The following SLC35F6 variants were observed in gnomAD, a reference collection of about 807,000 sequenced individuals.
SLC35F6 encodes solute carrier family 35 member F6, also known as ANT2-binding protein.
Under a neutral mutation model 29.4 loss-of-function variants are expected in SLC35F6, and 26 were observed. That is an observed-to-expected ratio of 0.89 (90% CI 0.65 to 1.23). The LOEUF (loss-of-function observed/expected upper bound fraction) is 1.23. Ranked by LOEUF, SLC35F6 falls within the 50% of genes most tolerant of loss-of-function variation. The pLI, the probability that SLC35F6 is intolerant of heterozygous loss-of-function variation, is 0.00. For synonymous variants in SLC35F6, 174 were observed against 206.6 expected (o/e 0.84, Z 1.35); for missense variants, 428 against 487.8 (o/e 0.88, Z 1.15).
chr2:26,774,775 C>T (rs1334965435), intron 2 of SLC35F6, among the ~76,000 whole-genome samples: 1 of 152,142 alleles, frequency 6.6e-6, no homozygotes, highest in Non-Finnish European at 1.5e-5. Context: ...TAGGCTTCTC[C>T]ACCTGCGATT....
chr2:26,776,591 C>A, intron 5 of SLC35F6, 109 bp downstream of exon 5: 1 of 925,542 alleles, frequency 1.1e-6, no homozygotes, highest in South Asian at 1.6e-5. Context: ...CTTCCTGCCC[C>A]GCCTTGCCTT....
chr2:26,774,643 A>G (rs1199342108), intron 2 of SLC35F6, among the ~76,000 whole-genome samples: 1 of 152,270 alleles, frequency 6.6e-6, no homozygotes, highest in Non-Finnish European at 1.5e-5. Flanking sequence ...GGGACAGGGC[A>G]GACACCATAA....
chr2:26,767,440 A>G (rs1022117690), intron 1 of SLC35F6, among the ~76,000 whole-genome samples: 2 of 152,194 alleles, frequency 1.3e-5, no homozygotes, highest in African/African-American at 2.4e-5. Flanking sequence ...AAGGCAGTGG[A>G]TGAGGAAGCA....
chr2:26,774,223 G>A (rs1664256193), intron 1 of SLC35F6, 28 bp from the exon 2 acceptor site: 4 of 1,613,472 alleles, frequency 2.5e-6, no homozygotes, highest in Middle Eastern at 1.6e-4. Context: ...ATGCTGACAG[G>A]GTCTGACCTT....
rs1664274398 is a variant in SLC35F6 at position 26,775,121 on chromosome 2, A to G, written c.228A>G (p.Ser76=). Residue 76 remains serine, a synonymous_variant, in exon 3 of 6, where the codon TCA becomes TCG. Transcript: ENST00000344420. This position sits in a 1 kb window ranked among gnomAD's most constrained non-coding sequence, Gnocchi z 4.6. ...TCCGATGCAGAGCTGCAGGGCAATC[A>G]GACTCCAGCGTAGACCCCCAGCAGC... The part of the protein sequence containing the change: ...YLLRCRAAGQ[S]DSSVDPQQPF... 6.2e-7 allele frequency: 1 copy of G among 1,614,150 alleles called. No homozygotes were observed.
chr2:26,766,116 C>G (rs1327664392), intron 1 of SLC35F6, among the ~76,000 whole-genome samples: 1 of 152,118 alleles, frequency 6.6e-6, no homozygotes, highest in African/African-American at 2.4e-5. Context: ...GGTGACAGAC[C>G]CAACTTTTGG....
At position 26,778,647 on chromosome 2, in the gene SLC35F6, G is replaced by A; in HGVS notation, c.*136G>A. On this transcript the variant is annotated 3_prime_UTR_variant, in exon 6 of 6. Transcript: ENST00000344420. ...TCCCTGCAGAACCCCCAGGGCAGCT[G>A]CTGCCACAGAAGATAACAACACCCA... 1.2e-6 allele frequency: 1 copy of A among 827,316 alleles called. No individual in the cohort carries two copies. Among genetic ancestry groups the A allele is most frequent in the Non-Finnish European group, 1.8e-6 (1 of 546,708 alleles). 51.2% of individuals were successfully genotyped at this position (827,316 alleles called of 1,614,324 possible).
In SLC35F6 at chr2:26,779,446, A is replaced by C. The variant is rs982917027; in HGVS notation, c.*935A>C. The C allele has an allele frequency of 6.6e-6, 1 of 152,086 alleles. No homozygotes were observed. Among genetic ancestry groups the C allele is most frequent in the Non-Finnish European group, 1.5e-5 (1 of 68,028 alleles). 9.4% of individuals were successfully genotyped at this position (152,086 alleles called of 1,614,324 possible). A position where few individuals can be genotyped will look rare whatever the true frequency, so the allele number is the denominator to read the frequency against. ...TTCCATGGGCCTGTGATCTTGACCA[A>C]CCTGAGAAAACAGTAACAGCCCATC... On this transcript the variant is annotated 3_prime_UTR_variant, in exon 6 of 6. Transcript: ENST00000344420.
At chr2:26,772,108 A>ATGGAATAGGTTTGCCATAGCCC (rs1558292587) in intron 1 of SLC35F6, among the ~76,000 whole-genome samples, 2 of 152,138 alleles carry the variant, frequency 1.3e-5, no homozygotes, top group Non-Finnish European at 2.9e-5. Context: ...GTCTCTCACT[A>ATGGAATAGGTTTGCCATAGCCC]TGGAATAGGT....
Position 26,775,371 on chromosome 2 carries a change from C to T in SLC35F6, c.323-93C>T. ...ACAGGCAGGACTGATCGAGCGCTTA[C>T]TATGAGCTTGGCATGTCTATCACCA... On this transcript the variant is annotated intron_variant, in intron 3 of 5. Coordinates refer to ENST00000344420, the MANE Select transcript of SLC35F6 (RefSeq NM_017877.4). This position sits in a 1 kb window ranked among gnomAD's most constrained non-coding sequence, Gnocchi z 4.6. 2 of 1,533,866 alleles carry T rather than the reference C, an allele frequency of 1.3e-6. No homozygotes were observed. Among genetic ancestry groups the T allele is most frequent in the Non-Finnish European group, 1.8e-6 (2 of 1,134,710 alleles).
chr2:26,775,687 G>A lies in SLC35F6; in HGVS notation c.535+11G>A, dbSNP rs75848017. On this transcript the variant is annotated intron_variant, in intron 4 of 5. Transcript: ENST00000344420. This position sits in a 1 kb window ranked among gnomAD's most constrained non-coding sequence, Gnocchi z 4.6. ...GCGAAGTGATCACAGGTGCGGCCAG[G>A]GGCAGGGACACGGGGCTGCCCTATC... 2,492 of 1,557,334 alleles carry A rather than the reference G, an allele frequency of 1.6e-3. 5 individuals are homozygous for A. Among genetic ancestry groups the A allele is most frequent in the African/African-American group, 9.4e-3 (695 of 73,774 alleles).
intron 1 of SLC35F6, among the ~76,000 whole-genome samples, chr2:26,769,373 G>T (rs773846257): frequency 4.6e-5 from 7 of 152,220 alleles, no homozygotes; most frequent in Non-Finnish European, 1.0e-4. Context: ...TGCCCTGGAG[G>T]TCATCTCCCC....
At chr2:26,768,182 T>C (rs1438710799) in intron 1 of SLC35F6, among the ~76,000 whole-genome samples, 1 of 152,172 alleles carries the variant, frequency 6.6e-6, no homozygotes, top group Non-Finnish European at 1.5e-5. Context: ...TTGGGCCAGC[T>C]TGTGGAAGCC....
chr2:26,764,285 C>A lies in SLC35F6; in HGVS notation c.-65C>A. The A allele has an allele frequency of 1.3e-6, 2 of 1,533,874 alleles. No individual in the cohort carries two copies. Among genetic ancestry groups the A allele is most frequent in the Non-Finnish European group, 1.8e-6 (2 of 1,136,614 alleles). On this transcript the variant is annotated 5_prime_UTR_variant, in exon 1 of 6. Transcript: ENST00000344420. ...GTGACGCCCGGCCCGGAAGCGCTCGCGCAGGAGACCCCGGGTGACGGGGCC... is the reference window on the plus strand; with the variant it reads ...GTGACGCCCGGCCCGGAAGCGCTCGAGCAGGAGACCCCGGGTGACGGGGCC...
rs1664290303 is a variant in SLC35F6 at position 26,775,814 on chromosome 2, T to C, written c.535+138T>C. On this transcript the variant is annotated intron_variant, in intron 4 of 5. Coordinates refer to ENST00000344420, the MANE Select transcript of SLC35F6 (RefSeq NM_017877.4). The surrounding 1 kb of genome is among the most constrained non-coding windows in gnomAD (Gnocchi z 4.6). ...GGTGGGTAGCTCTGGAGGTGATGGA[T>C]AGAATGTAGGGAAGACTGCAAAGGG... 2 of 1,009,522 alleles carry C rather than the reference T, an allele frequency of 2.0e-6. No individual in the cohort carries two copies. The highest frequency in any genetic ancestry group is 2.9e-5 in the Admixed American group (1 of 35,066). 62.5% of individuals were successfully genotyped at this position (1,009,522 alleles called of 1,614,324 possible). A position where few individuals can be genotyped will look rare whatever the true frequency, so the allele number is the denominator to read the frequency against.
chr2:26,766,405 C>G (rs533825844), intron 1 of SLC35F6, among the ~76,000 whole-genome samples: 1 of 152,318 alleles, frequency 6.6e-6, no homozygotes, highest in South Asian at 2.1e-4. Context: ...TGAAACCAGC[C>G]TGACCAATAT....
chr2:26,776,298 C>T (rs1365367271), intron 4 of SLC35F6, 74 bp from the exon 5 acceptor site: 47 of 1,380,192 alleles, frequency 3.4e-5, no homozygotes, highest in East Asian at 1.2e-4. Flanking sequence ...CATGTTTGGT[C>T]GCTGTGGCCA....
At position 26,780,269 on chromosome 2, in the gene SLC35F6, C is replaced by A. The variant is rs1424774081; in HGVS notation, c.*1758C>A. The A allele has an allele frequency of 6.6e-6, 1 of 152,050 alleles. No individual in the cohort carries two copies. Among genetic ancestry groups the A allele is most frequent in the Non-Finnish European group, 1.5e-5 (1 of 68,012 alleles). 9.4% of individuals were successfully genotyped at this position (152,050 alleles called of 1,614,324 possible). A position where few individuals can be genotyped will look rare whatever the true frequency, so the allele number is the denominator to read the frequency against. On this transcript the variant is annotated 3_prime_UTR_variant, in exon 6 of 6. Coordinates refer to ENST00000344420, the MANE Select transcript of SLC35F6 (RefSeq NM_017877.4). ...GACAAGGAAACTGAGGCCCAAAGTTCTAAGTTGTTTGGCAAATGGAGTCTC... is the reference window on the plus strand; with the variant it reads ...GACAAGGAAACTGAGGCCCAAAGTTATAAGTTGTTTGGCAAATGGAGTCTC...
chr2:26,774,195 C>T, intron 1 of SLC35F6, 56 bp from the exon 2 acceptor site: 1 of 1,603,984 alleles, frequency 6.2e-7, no homozygotes, highest in Non-Finnish European at 8.5e-7. Context: ...TGAGCCTCTT[C>T]ACTAGCACCA....
Sources: gnomAD v4.1 joint callset for allele counts (sites outside exome capture counted in the v4.1 genomes callset) on GRCh38, gnomAD v4.1.1 for gene constraint, Gnocchi (gnomAD v3.1) non-coding constraint, MANE v1.5 for transcripts, NCBI Gene and HGNC (gene_info 2026-07-23, HGNC 2026-07-21) for gene names.